GPC5: variants seen among roughly 807,000 people sequenced by gnomAD.
GPC5 encodes glypican 5, also known as glypican-5.
In GPC5, 47 loss-of-function variants were observed where a neutral mutation model predicts 53.9. That is an observed-to-expected ratio of 0.87 (90% CI 0.69 to 1.11). The LOEUF (loss-of-function observed/expected upper bound fraction) is 1.11. GPC5 is among the 50% of genes most tolerant of loss of function. GPC5 has a pLI of 0.00. For missense variants in GPC5, 748 were observed against 713.1 expected, an observed-to-expected ratio of 1.05 and a Z score of -0.56; for synonymous variants, 286 against 263.3, an observed-to-expected ratio of 1.09 and a Z score of -0.84.
chr13:92,630,717 A>T (rs1285344607), intron 7 of GPC5, among the ~76,000 whole-genome samples: 1 of 152,152 alleles, frequency 6.6e-6, no homozygotes, highest in African/African-American at 2.4e-5. Context: ...ACCTGATTCC[A>T]TTATTAGGAA....
At chr13:92,123,202 T>G (rs2041664962) in intron 6 of GPC5, among the ~76,000 whole-genome samples, 1 of 151,946 alleles carries the variant, frequency 6.6e-6, no homozygotes, top group Non-Finnish European at 1.5e-5. Context: ...GTCAGGAGTT[T>G]GAAACCAGCC....
intron 6 of GPC5, among the ~76,000 whole-genome samples, chr13:91,942,939 A>G (rs2039941389): frequency 6.6e-6 from 1 of 152,124 alleles, no homozygotes; most frequent in African/African-American, 2.4e-5. Flanking sequence ...GAGACATTAA[A>G]AACACCATGC....
intron 2 of GPC5, among the ~76,000 whole-genome samples, chr13:91,604,463 T>A (rs1225029903): frequency 6.6e-6 from 1 of 151,418 alleles, no homozygotes; most frequent in African/African-American, 2.4e-5. Context: ...TTTGGGTATA[T>A]ACCCAGTAAT....
intron 6 of GPC5, among the ~76,000 whole-genome samples, chr13:92,104,361 T>A (rs1566436776): frequency 6.6e-6 from 1 of 152,192 alleles, no homozygotes; most frequent in Non-Finnish European, 1.5e-5. Flanking sequence ...AATTCTTTTA[T>A]TTCCAGAGTT....
chr13:92,320,335 G>A (rs996624454), intron 7 of GPC5, among the ~76,000 whole-genome samples: 4 of 152,082 alleles, frequency 2.6e-5, no homozygotes, highest in Admixed American at 2.6e-4. Flanking sequence ...CCATTGTGTT[G>A]ACTAAAATTT....
intron 7 of GPC5, among the ~76,000 whole-genome samples, chr13:92,433,897 C>T (rs1877197999): frequency 6.6e-6 from 1 of 152,080 alleles, no homozygotes; most frequent in Non-Finnish European, 1.5e-5. Context: ...GATTAGGATT[C>T]TCAAGATCAG....
Position 92,207,134 on chromosome 13 carries a change from C to T in GPC5, c.1561+62145C>T, listed in dbSNP as rs75060910. 8.3e-3 allele frequency among the ~76,000 whole-genome samples: 1,260 copies of T among 152,290 alleles called. 25 individuals carry two copies. The highest frequency in any genetic ancestry group is 0.028 in the African/African-American group (1,174 of 41,560). On this transcript the variant is annotated intron_variant, in intron 7 of 7. Transcript: ENST00000377067. ...TTGGAAGGGATATTAGGTTCAGCCA[C>T]TGTTGCCAGTTCTGACTACCAGCAG...
At chr13:92,315,932 G>A (rs2043176316) in intron 7 of GPC5, among the ~76,000 whole-genome samples, 1 of 152,066 alleles carries the variant, frequency 6.6e-6, no homozygotes, top group Admixed American at 6.5e-5. Flanking sequence ...TTGTAAATAG[G>A]TATAACCCTT....
intron 6 of GPC5, among the ~76,000 whole-genome samples, chr13:91,985,443 CTGTTT>C (rs1185636917): frequency 1.3e-5 from 2 of 149,094 alleles, no homozygotes; most frequent in African/African-American, 4.9e-5. Flanking sequence ...TTTAAATCTA[CTGTTT>C]TGTTTGGTTT....
At chr13:92,403,318 A>G (rs192675688) in intron 7 of GPC5, among the ~76,000 whole-genome samples, 1 of 152,296 alleles carries the variant, frequency 6.6e-6, no homozygotes, top group Admixed American at 6.5e-5. Context: ...ACCCATTAGC[A>G]TGTTAAATCA....
intron 1 of GPC5, among the ~76,000 whole-genome samples, chr13:91,414,350 A>T (rs552629256): frequency 1.3e-5 from 2 of 152,348 alleles, no homozygotes; most frequent in East Asian, 3.9e-4. Context: ...TTCCGCAATG[A>T]TTGCAAGTTT....
chr13:92,614,219 T>A (rs1364167317), intron 7 of GPC5, among the ~76,000 whole-genome samples: 2 of 152,164 alleles, frequency 1.3e-5, no homozygotes. Flanking sequence ...AATGACCATA[T>A]CTTAATGAAG....
intron 2 of GPC5, among the ~76,000 whole-genome samples, chr13:91,547,268 A>G (rs2030349843): frequency 6.6e-6 from 1 of 152,082 alleles, no homozygotes; most frequent in African/African-American, 2.4e-5. Context: ...ACAGTGTATT[A>G]CTGTCTAAGA....
At chr13:92,853,677 T>A (rs575819692) in intron 7 of GPC5, among the ~76,000 whole-genome samples, 1 of 152,094 alleles carries the variant, frequency 6.6e-6, no homozygotes, top group South Asian at 2.1e-4. Context: ...GAAAGTAGAG[T>A]AAAATGAACA....
intron 2 of GPC5, among the ~76,000 whole-genome samples, chr13:91,584,568 T>C (rs2032488241): frequency 6.6e-6 from 1 of 152,092 alleles, no homozygotes; most frequent in Non-Finnish European, 1.5e-5. Context: ...ATTTGGACTA[T>C]ATTAAAACCA....
At chr13:92,670,833 C>T (rs760850287) in intron 7 of GPC5, among the ~76,000 whole-genome samples, 4 of 152,178 alleles carry the variant, frequency 2.6e-5, no homozygotes, top group Non-Finnish European at 4.4e-5. Flanking sequence ...CTTAAGGCCA[C>T]ATACATAAAC....
rs1423084384 is a variant in GPC5, at chr13:91,399,191, C to T, written c.145C>T (p.Pro49Ser). 3 of 1,612,084 alleles carry T rather than the reference C, an allele frequency of 1.9e-6. No homozygotes were observed. The highest frequency in any genetic ancestry group is 2.5e-6 in the Non-Finnish European group (3 of 1,179,620). ...GCTGCTGGGAGCTGTCAGGGGGCTG[C>T]CGGATTCGCCGCGGGCAGGTAAGGG... ...WRLLGAVRGL[P>S]DSPRAGPDLQ... is the part of the protein sequence containing the mutation. The change falls in exon 1 of 8, where the codon CCG (proline) becomes TCG (serine). Residue 49 changes from proline to serine, a missense_variant. Transcript: ENST00000377067.
chr13:92,229,061 G>A (rs772723902), intron 7 of GPC5, among the ~76,000 whole-genome samples: 14 of 152,114 alleles, frequency 9.2e-5, no homozygotes, highest in Non-Finnish European at 1.8e-4. Context: ...ATATGGCTCA[G>A]CAGTGAGCAG....
intron 7 of GPC5, among the ~76,000 whole-genome samples, chr13:92,550,369 T>C (rs1197897397): frequency 1.3e-5 from 2 of 151,916 alleles, no homozygotes; most frequent in African/African-American, 2.4e-5. Context: ...AGTATATATG[T>C]CTCTGATAAT....
Sources: gnomAD v4.1 joint callset for allele counts (sites outside exome capture counted in the v4.1 genomes callset) on GRCh38, gnomAD v4.1.1 for gene constraint, MANE v1.5 for transcripts, NCBI Gene and HGNC (gene_info 2026-07-23, HGNC 2026-07-21) for gene names.